The following ASTN1 variants were observed in gnomAD, a reference collection of about 807,000 sequenced individuals.
The protein encoded by ASTN1 is astrotactin 1.
ASTN1 carries 41 observed loss-of-function variants against 140.7 expected under a neutral mutation model. That is an observed-to-expected ratio of 0.29 (90% CI 0.23 to 0.38). ASTN1 has a LOEUF of 0.38. Among genes scored for constraint, ASTN1 ranks in the 10% least tolerant of loss-of-function variants. The pLI is 1.00. For synonymous variants in ASTN1, 640 were observed against 652.2 expected (o/e 0.98, Z 0.29); for missense variants, 1,479 against 1,678.8 (o/e 0.88, Z 2.08).
At chr1:177,075,580 T>G (rs1678855194) in intron 1 of ASTN1, among the ~76,000 whole-genome samples, 1 of 152,024 alleles carries the variant, frequency 6.6e-6, no homozygotes, top group African/African-American at 2.4e-5. Flanking sequence ...GCACGAAGAT[T>G]GCTTTTCTTT....
At chr1:176,933,419 T>A (rs910112688) in intron 16 of ASTN1, among the ~76,000 whole-genome samples, 1 of 152,250 alleles carries the variant, frequency 6.6e-6, no homozygotes, top group Non-Finnish European at 1.5e-5. Context: ...CTCATCAGAA[T>A]GCCATGTGGA....
chr1:177,113,053 G>A (rs1477088726), intron 1 of ASTN1, among the ~76,000 whole-genome samples: 3 of 152,194 alleles, frequency 2.0e-5, no homozygotes, highest in Non-Finnish European at 4.4e-5. Context: ...GAGCCGACCT[G>A]CATGAGGTCA....
chr1:177,148,476 A>G (rs998443748), intron 1 of ASTN1, among the ~76,000 whole-genome samples: 23 of 151,844 alleles, frequency 1.5e-4, no homozygotes, highest in Admixed American at 3.3e-4. Flanking sequence ...AGATAGTGCT[A>G]GAGAGGTAGG....
At chr1:176,885,822 AT>A (rs1669011297) in intron 18 of ASTN1, among the ~76,000 whole-genome samples, 2 of 152,238 alleles carry the variant, frequency 1.3e-5, no homozygotes, top group African/African-American at 4.8e-5. Flanking sequence ...ACATGTGATT[AT>A]AATAATATGT....
chr1:176,945,334 T>C (rs1671907787), intron 13 of ASTN1, among the ~76,000 whole-genome samples: 3 of 152,216 alleles, frequency 2.0e-5, no homozygotes, highest in Non-Finnish European at 4.4e-5. Flanking sequence ...TTAATTCACG[T>C]AAAAACAATG....
At chr1:177,009,746 G>C (rs1333351956) in intron 8 of ASTN1, among the ~76,000 whole-genome samples, 1 of 152,142 alleles carries the variant, frequency 6.6e-6, no homozygotes, top group African/African-American at 2.4e-5. Flanking sequence ...TACTCTGATG[G>C]GCAGGACCAT....
intron 8 of ASTN1, among the ~76,000 whole-genome samples, chr1:176,968,967 G>A (rs1212259716): frequency 6.6e-6 from 1 of 152,150 alleles, no homozygotes; most frequent in Non-Finnish European, 1.5e-5. Context: ...GGTCTGGCAG[G>A]GGAGCTTGGT....
intron 2 of ASTN1, among the ~76,000 whole-genome samples, chr1:177,056,347 G>A (rs1677802553): frequency 6.6e-6 from 1 of 152,018 alleles, no homozygotes; most frequent in Non-Finnish European, 1.5e-5. Flanking sequence ...CTGTACCTTG[G>A]GTTCACCTGG....
intron 1 of ASTN1, among the ~76,000 whole-genome samples, chr1:177,155,208 G>A (rs1683188938): frequency 6.6e-6 from 1 of 152,180 alleles, no homozygotes; most frequent in African/African-American, 2.4e-5. Context: ...TGGAAGTAAG[G>A]CATGGAGGAT....
chr1:177,150,631 A>C, intron 1 of ASTN1, among the ~76,000 whole-genome samples: 1 of 152,148 alleles, frequency 6.6e-6, no homozygotes, highest in East Asian at 1.9e-4. Flanking sequence ...TTGTGGTTCG[A>C]GTAGGGCCAG....
chr1:176,965,524 A>T (rs1672839397), intron 8 of ASTN1, among the ~76,000 whole-genome samples: 1 of 152,238 alleles, frequency 6.6e-6, no homozygotes, highest in Non-Finnish European at 1.5e-5. Context: ...GATGTCACAT[A>T]TTCATAATTC....
intron 1 of ASTN1, among the ~76,000 whole-genome samples, chr1:177,147,058 G>A (rs1682749645): frequency 1.3e-5 from 2 of 152,190 alleles, no homozygotes; most frequent in Admixed American, 6.5e-5. Context: ...AACAGTGAGA[G>A]TGGTGAAAAG....
Position 177,041,710 on chromosome 1 carries a change from T to C in ASTN1, c.472-8861A>G, listed in dbSNP as rs376023973. 1.4e-3 allele frequency among the ~76,000 whole-genome samples: 215 copies of C among 152,378 alleles called. 6 individuals are homozygous for C. In the South Asian group the frequency reaches 0.044, roughly 31 times the overall value. ...AACATTAAGGGAATTATTGAACAAG[T>C]AACGGAAGAGGCAGCGGGTGCAGTA... On this transcript the variant is annotated intron_variant, in intron 2 of 22. Transcript: ENST00000361833.
Position 176,946,085 on chromosome 1 carries a change from C to A in ASTN1, c.2090G>T (p.Arg697Leu). 3 of 1,613,286 alleles carry A rather than the reference C, an allele frequency of 1.9e-6. No individual in the cohort carries two copies. The highest frequency in any genetic ancestry group is 1.3e-5 in the African/African-American group (1 of 75,036). Reference protein sequence around the residue: ...IEDYKLGVDGRSCQLITETCP... With the variant: ...IEDYKLGVDGLSCQLITETCP... ...GGTCTCCGTGATGAGTTGGCAAGAGCGTCCATCCACACCAAGCTTGTAGTC... is the reference window on the plus strand; with the variant it reads ...GGTCTCCGTGATGAGTTGGCAAGAGAGTCCATCCACACCAAGCTTGTAGTC... The change falls in exon 13 of 23, where the codon CGC becomes CTC. Residue 697 changes from arginine to leucine, a missense_variant. Coordinates refer to ENST00000361833, the MANE Select transcript of ASTN1 (RefSeq NM_004319.3).
intron 1 of ASTN1, among the ~76,000 whole-genome samples, chr1:177,102,344 G>C (rs1680340653): frequency 6.6e-6 from 1 of 152,174 alleles, no homozygotes; most frequent in Non-Finnish European, 1.5e-5. Flanking sequence ...AACTCTGAGA[G>C]AGGATAAAAC....
intron 8 of ASTN1, among the ~76,000 whole-genome samples, chr1:177,005,447 A>G (rs1201953228): frequency 1.3e-5 from 2 of 152,178 alleles, no homozygotes; most frequent in African/African-American, 2.4e-5. Context: ...AGTAGACCTA[A>G]CATTTGATCC....
chr1:177,150,851 C>A (rs1683001167), intron 1 of ASTN1, among the ~76,000 whole-genome samples: 1 of 152,138 alleles, frequency 6.6e-6, no homozygotes, highest in African/African-American at 2.4e-5. Flanking sequence ...CAGCTATATA[C>A]ATTAACTTAC....
intron 16 of ASTN1, among the ~76,000 whole-genome samples, chr1:176,915,198 G>A (rs1001392453): frequency 9.2e-5 from 14 of 152,048 alleles, no homozygotes; most frequent in African/African-American, 3.4e-4. Flanking sequence ...GCGTGCTACC[G>A]AGCCCACTTT....
chr1:177,051,542 C>T (rs1677544317), intron 2 of ASTN1, among the ~76,000 whole-genome samples: 1 of 152,202 alleles, frequency 6.6e-6, no homozygotes, highest in African/African-American at 2.4e-5. Context: ...ATAATTCCTG[C>T]CATTGTCCAT....
Sources: allele counts gnomAD v4.1 joint callset (sites outside exome capture counted in the v4.1 genomes callset), GRCh38; gene constraint gnomAD v4.1.1; transcripts MANE v1.5; gene names NCBI Gene and HGNC (gene_info 2026-07-23, HGNC 2026-07-21).